The following IL2RA variants were observed in gnomAD, a reference collection of about 807,000 sequenced individuals.
The protein encoded by IL2RA is interleukin-2 receptor subunit alpha.
IL2RA carries 24 observed loss-of-function variants against 37.8 expected under a neutral mutation model. The ratio of observed to expected loss-of-function variants is 0.63; its 90% CI spans 0.46 to 0.89. IL2RA has a LOEUF of 0.89. IL2RA is among the 40% of genes least tolerant of loss of function. The pLI, the probability that IL2RA is intolerant of heterozygous loss-of-function variation, is 0.00. For synonymous variants in IL2RA, 125 were observed against 114.6 expected (o/e 1.09, Z -0.58); for missense variants, 319 against 348.6 (o/e 0.92, Z 0.68).
intron 1 of IL2RA, 77 bp downstream of exon 1, chr10:6,062,011 T>A: frequency 1.3e-5 from 15 of 1,195,506 alleles, no homozygotes; most frequent in Non-Finnish European, 1.9e-5. Flanking sequence ...ACCTGGGGAC[T>A]CCCTCTGGTT....
rs1359978373 is a variant in IL2RA at position 6,025,414 on chromosome 10, G to C, written c.256+420C>G. On this transcript the variant is annotated intron_variant, in intron 2 of 7. Transcript: ENST00000379959. This position sits in a 1 kb window ranked among gnomAD's most constrained non-coding sequence, Gnocchi z 4.4. Reference sequence around the variant, plus strand: ...CTCATGCCTGTAATCCCAGCATTTTGGGTGGCTGAGATGGGCAGATTACTC... The same window carrying C: ...CTCATGCCTGTAATCCCAGCATTTTCGGTGGCTGAGATGGGCAGATTACTC... Among the ~76,000 whole-genome samples the C allele has an allele frequency of 6.6e-6, 1 of 150,412 alleles. No individual in the cohort carries two copies. Among genetic ancestry groups the C allele is most frequent in the Non-Finnish European group, 1.5e-5 (1 of 67,780 alleles).
At chr10:6,019,770 C>A in intron 5 of IL2RA, 100 bp downstream of exon 5, 1 of 1,129,460 alleles carries the variant, frequency 8.9e-7, no homozygotes, top group South Asian at 1.2e-5. Flanking sequence ...GGGCTTCTCC[C>A]CTACAGGTCA....
Position 6,030,727 on chromosome 10 carries a change from A to G in IL2RA, c.65-4702T>C, listed in dbSNP as rs538134377. Among the ~76,000 whole-genome samples, 12 of 152,346 alleles carry G rather than the reference A, an allele frequency of 7.9e-5. No individual in the cohort carries two copies. The East Asian group carries it at 2.1e-3, about 27-fold the overall frequency. ...CACGTAAATATTTAGATAAGTGAAAAGGCCACTTTTTGTTTTTAACATCTT... is the reference window on the plus strand; with the variant it reads ...CACGTAAATATTTAGATAAGTGAAAGGGCCACTTTTTGTTTTTAACATCTT... On this transcript the variant is annotated intron_variant, in intron 1 of 7. Transcript: ENST00000379959.
rs1249091241 is a variant in IL2RA, at chr10:6,026,035, A to G, written c.65-10T>C. 6.2e-7 allele frequency: 1 copy of G among 1,612,534 alleles called. No individual in the cohort carries two copies. Among genetic ancestry groups the G allele is most frequent in the Admixed American group, 1.7e-5 (1 of 60,012 alleles). ...TCATCGTCACAGAGCTCTGCAAAGCAAAAGAAGCCTATTAGGAACTCAAGA... is the reference window on the plus strand; with the variant it reads ...TCATCGTCACAGAGCTCTGCAAAGCGAAAGAAGCCTATTAGGAACTCAAGA... On this transcript the variant is annotated splice_polypyrimidine_tract_variant and intron_variant, in intron 1 of 7. Coordinates refer to ENST00000379959, the MANE Select transcript of IL2RA (RefSeq NM_000417.3).
chr10:6,023,310 G>C (rs1370178505), intron 3 of IL2RA, among the ~76,000 whole-genome samples: 8 of 152,098 alleles, frequency 5.3e-5, no homozygotes, highest in African/African-American at 1.7e-4. Flanking sequence ...CTTCCTAGCA[G>C]GTTCTGTGGG....
In IL2RA at chr10:6,012,515, C is replaced by T; in HGVS notation, c.*357G>A. The T allele has an allele frequency of 2.9e-6, 1 of 346,830 alleles. No individual in the cohort carries two copies. The allele number at this position is 346,830 out of a possible 1,614,324, so 21.5% of individuals were successfully genotyped here. A position where few individuals can be genotyped will look rare whatever the true frequency, so the allele number is the denominator to read the frequency against. ...AAGTTGGAATGAGATGAATGTAAAC[C>T]TACTTTTCTTTATACTACATATAGG... On this transcript the variant is annotated 3_prime_UTR_variant, in exon 8 of 8. Coordinates refer to ENST00000379959, the MANE Select transcript of IL2RA (RefSeq NM_000417.3). The surrounding 1 kb of genome is among the most constrained non-coding windows in gnomAD (Gnocchi z 4.8).
Position 6,040,126 on chromosome 10 carries a change from C to T in IL2RA, c.65-14101G>A, listed in dbSNP as rs138481583. Among the ~76,000 whole-genome samples, 42 of 152,322 alleles carry T rather than the reference C, an allele frequency of 2.8e-4. No homozygotes were observed. In the East Asian group the frequency reaches 7.7e-3, roughly 28 times the overall value. ...GGATCAGTTGAAATAACATAAGTGA[C>T]ATTGAAATCTGTAAAATGCTCCACA... On this transcript the variant is annotated intron_variant, in intron 1 of 7. Coordinates refer to ENST00000379959, the MANE Select transcript of IL2RA (RefSeq NM_000417.3).
chr10:6,059,078 T>C (rs1361777443), intron 1 of IL2RA, among the ~76,000 whole-genome samples: 19 of 152,244 alleles, frequency 1.2e-4, no homozygotes. Flanking sequence ...GGAGAAAAAG[T>C]CTGTGATGAG....
At chr10:6,051,648 T>G (rs1018956648) in intron 1 of IL2RA, among the ~76,000 whole-genome samples, 8 of 146,210 alleles carry the variant, frequency 5.5e-5, no homozygotes, top group Admixed American at 5.4e-4. Context: ...CCTCCCTGAG[T>G]AGCTGGGATT....
intron 1 of IL2RA, among the ~76,000 whole-genome samples, chr10:6,053,281 T>C (rs779477073): frequency 8.5e-5 from 13 of 152,178 alleles, no homozygotes; most frequent in Non-Finnish European, 1.9e-4. Flanking sequence ...TGTAAGCCCA[T>C]TTAACCACAG....
In IL2RA at chr10:6,020,293, A is replaced by C. The variant is rs1349804127; in HGVS notation, c.584-352T>G. 6.6e-6 allele frequency among the ~76,000 whole-genome samples: 1 copy of C among 152,154 alleles called. No homozygotes were observed. The highest frequency in any genetic ancestry group is 1.5e-5 in the Non-Finnish European group (1 of 68,032). On this transcript the variant is annotated intron_variant, in intron 4 of 7. Coordinates refer to ENST00000379959, the MANE Select transcript of IL2RA (RefSeq NM_000417.3). The surrounding 1 kb of genome is among the most constrained non-coding windows in gnomAD (Gnocchi z 5.6). Reference sequence around the variant, plus strand: ...GCCATTGAACCACTGGATGGAGCAGAGATGCACTAAGGGACAGCTGCTTCT... The same window carrying C: ...GCCATTGAACCACTGGATGGAGCAGCGATGCACTAAGGGACAGCTGCTTCT...
rs56408208 is a variant in IL2RA at position 6,025,799 on chromosome 10, C to A, written c.256+35G>T. ...CTCTGTCTCACTCTTTGCTGCAGTTCTTTTGTTCTTGGTAGTCACAGAAGG... is the reference window on the plus strand; with the variant it reads ...CTCTGTCTCACTCTTTGCTGCAGTTATTTTGTTCTTGGTAGTCACAGAAGG... On this transcript the variant is annotated intron_variant, in intron 2 of 7. Coordinates refer to ENST00000379959, the MANE Select transcript of IL2RA (RefSeq NM_000417.3). This position sits in a 1 kb window ranked among gnomAD's most constrained non-coding sequence, Gnocchi z 4.4. 6.2e-7 allele frequency: 1 copy of A among 1,604,812 alleles called. No homozygotes were observed. Among genetic ancestry groups the A allele is most frequent in the Admixed American group, 1.7e-5 (1 of 60,006 alleles).
chr10:6,015,821 C>A lies in IL2RA; in HGVS notation c.794+2232G>T, dbSNP rs1055718594. ...ATATGTATTAGATACATCTGAGGGG[C>A]TTTAAAACGTACGACTATCCCAGAC... On this transcript the variant is annotated intron_variant, in intron 7 of 7. Coordinates refer to ENST00000379959, the MANE Select transcript of IL2RA (RefSeq NM_000417.3). The surrounding 1 kb of genome is among the most constrained non-coding windows in gnomAD (Gnocchi z 4.9). Among the ~76,000 whole-genome samples the A allele has an allele frequency of 1.3e-5, 2 of 152,132 alleles. No homozygotes were observed. The highest frequency in any genetic ancestry group is 1.3e-4 in the Admixed American group (2 of 15,260).
chr10:6,059,693 G>T (rs1840095431), intron 1 of IL2RA, among the ~76,000 whole-genome samples: 1 of 152,118 alleles, frequency 6.6e-6, no homozygotes. Flanking sequence ...ACCACCTGCT[G>T]CTCCCTAAGG....
chr10:6,035,689 G>C lies in IL2RA; in HGVS notation c.65-9664C>G, dbSNP rs1256311504. On this transcript the variant is annotated intron_variant, in intron 1 of 7. Coordinates refer to ENST00000379959, the MANE Select transcript of IL2RA (RefSeq NM_000417.3). The surrounding 1 kb of genome is among the most constrained non-coding windows in gnomAD (Gnocchi z 5.4). Reference sequence around the variant, plus strand: ...ATGTGGGCAGAGGGAAAAAGAGACAGCCAGCAGTGATCATTAATCCTGAAA... The same window carrying C: ...ATGTGGGCAGAGGGAAAAAGAGACACCCAGCAGTGATCATTAATCCTGAAA... Among the ~76,000 whole-genome samples the C allele has an allele frequency of 1.3e-5, 2 of 152,198 alleles. No homozygotes were observed. The highest frequency in any genetic ancestry group is 2.9e-5 in the Non-Finnish European group (2 of 68,036).
Position 6,018,576 on chromosome 10 carries a change from A to T in IL2RA, c.728-457T>A, listed in dbSNP as rs1349773083. Among the ~76,000 whole-genome samples the T allele has an allele frequency of 6.6e-6, 1 of 152,024 alleles. No individual in the cohort carries two copies. The highest frequency in any genetic ancestry group is 1.5e-5 in the Non-Finnish European group (1 of 67,984). ...GACTCAGAGTCTGTTTTTCCCTCCT[A>T]CCAGGAAACAATGGCAGTGTTTCTG... On this transcript the variant is annotated intron_variant, in intron 6 of 7. Coordinates refer to ENST00000379959, the MANE Select transcript of IL2RA (RefSeq NM_000417.3). The surrounding 1 kb of genome is among the most constrained non-coding windows in gnomAD (Gnocchi z 5.1).
rs771893707 is a variant in IL2RA at position 6,024,331 on chromosome 10, C to T, written c.280G>A (p.Val94Met). ...SSATRNTTKQ[V>M]TPQPEEQKER... ...TTCTGTTCTTCAGGTTGAGGTGTCA[C>T]TTGTTTCGTTGTGTTCCGAGTGGCT... Residue 94 changes from valine to methionine, a missense_variant, in exon 3 of 8, where the codon GTG becomes ATG. Coordinates refer to ENST00000379959, the MANE Select transcript of IL2RA (RefSeq NM_000417.3). 3.8e-5 allele frequency: 61 copies of T among 1,613,788 alleles called. No homozygotes were observed. The highest frequency in any genetic ancestry group is 5.2e-5 in the Non-Finnish European group (61 of 1,179,778).
At chr10:6,027,262 G>A (rs1398685407) in intron 1 of IL2RA, among the ~76,000 whole-genome samples, 1 of 151,932 alleles carries the variant, frequency 6.6e-6, no homozygotes, top group Non-Finnish European at 1.5e-5. Flanking sequence ...GGAGGCAGAG[G>A]TTGCAGTGGG....
intron 3 of IL2RA, among the ~76,000 whole-genome samples, chr10:6,023,485 A>G (rs1839422631): frequency 6.6e-6 from 1 of 152,066 alleles, no homozygotes; most frequent in Non-Finnish European, 1.5e-5. Flanking sequence ...ACAGGCATCC[A>G]CCACCATGCC....
Sources: gnomAD v4.1 joint callset for allele counts (sites outside exome capture counted in the v4.1 genomes callset) on GRCh38, gnomAD v4.1.1 for gene constraint, Gnocchi (gnomAD v3.1) non-coding constraint, MANE v1.5 for transcripts, NCBI Gene and HGNC (gene_info 2026-07-23, HGNC 2026-07-21) for gene names.